The following ARAP2 variants were observed in gnomAD, a reference collection of about 807,000 sequenced individuals.
The protein encoded by ARAP2 is arf-GAP with Rho-GAP domain, ANK repeat and PH domain-containing protein 2.
A neutral mutation model predicts 194.5 loss-of-function variants in ARAP2; 148 were observed. That is an observed-to-expected ratio of 0.76 (90% CI 0.67 to 0.87). The LOEUF is 0.87. Ranked by LOEUF, ARAP2 falls within the 40% of genes least tolerant of loss-of-function variation. The pLI, the probability that ARAP2 is intolerant of heterozygous loss-of-function variation, is 0.00. For missense variants in ARAP2, 2,128 were observed against 1,989.7 expected (o/e 1.07, Z -1.32); for synonymous variants, 695 against 683.5 (o/e 1.02, Z -0.26).
At chr4:36,182,014 T>C (rs544621469) in intron 8 of ARAP2, among the ~76,000 whole-genome samples, 101 of 152,130 alleles carry the variant, frequency 6.6e-4, no homozygotes, top group African/African-American at 2.2e-3. Flanking sequence ...CATTCTAGGA[T>C]AAGGTGAACA....
intron 5 of ARAP2, among the ~76,000 whole-genome samples, chr4:36,030,701 T>C (rs1428454843): frequency 2.0e-5 from 3 of 152,260 alleles, no homozygotes; most frequent in Non-Finnish European, 4.4e-5. Flanking sequence ...ATTCTACTTT[T>C]ATCAGCTTCT....
At chr4:36,148,560 A>G in intron 16 of ARAP2, 53 bp from the exon 17 acceptor site, 1 of 1,281,776 alleles carries the variant, frequency 7.8e-7, no homozygotes, top group Non-Finnish European at 1.1e-6. Flanking sequence ...GCTCTTAAGA[A>G]AATGAATAAC....
intron 21 of ARAP2, 28 bp downstream of exon 21, chr4:36,128,497 CACACACAT>C: frequency 2.6e-6 from 4 of 1,521,976 alleles, no homozygotes; most frequent in Non-Finnish European, 2.7e-6. Flanking sequence ...CACACACACA[CACACACAT>C]ATCTACAAAT....
intron 6 of ARAP2, among the ~76,000 whole-genome samples, 179 bp from the exon 7 acceptor site, chr4:36,193,826 T>C (rs577482338): frequency 2.0e-5 from 3 of 152,316 alleles, no homozygotes; most frequent in African/African-American, 7.2e-5. Flanking sequence ...AGCATAATAG[T>C]ACTTTCTAAT....
At chr4:36,197,514 T>C (rs920583119) in intron 6 of ARAP2, among the ~76,000 whole-genome samples, 1 of 152,262 alleles carries the variant, frequency 6.6e-6, no homozygotes, top group African/African-American at 2.4e-5. Context: ...GTTGCTTTTC[T>C]GGCCAGAAGC....
At chr4:36,123,918 A>G (rs1723273762) in intron 22 of ARAP2, among the ~76,000 whole-genome samples, 1 of 151,784 alleles carries the variant, frequency 6.6e-6, no homozygotes, top group Admixed American at 6.6e-5. Context: ...CATCCCCTGG[A>G]CCACAACACA....
intron 5 of ARAP2, among the ~76,000 whole-genome samples, chr4:36,020,056 T>C (rs872321): frequency 0.62 from 94,805 of 152,108 alleles, 31,011 homozygotes; most frequent in Admixed American, 0.77. Context: ...TATTCTTGTA[T>C]TTGAAGGCCA....
At chr4:36,241,683 C>T (rs757085259) in intron 1 of ARAP2, among the ~76,000 whole-genome samples, 51 of 152,254 alleles carry the variant, frequency 3.3e-4, no homozygotes, top group Middle Eastern at 3.4e-3. Flanking sequence ...CACAAAAAAA[C>T]AACTTTTTGC....
intron 19 of ARAP2, 54 bp from the exon 20 acceptor site, chr4:36,133,443 C>A: frequency 6.7e-7 from 1 of 1,494,374 alleles, no homozygotes; most frequent in South Asian, 1.2e-5. Flanking sequence ...AAAAAAAAAT[C>A]TTACTCCAAG....
At chr4:36,167,919 C>T (rs931570888) in intron 9 of ARAP2, among the ~76,000 whole-genome samples, 1 of 150,784 alleles carries the variant, frequency 6.6e-6, no homozygotes, top group Non-Finnish European at 1.5e-5. Context: ...ATATGTACAT[C>T]AAAAAATGAC....
chr4:36,135,058 A>G (rs2109625057), intron 19 of ARAP2, among the ~76,000 whole-genome samples: 1 of 151,922 alleles, frequency 6.6e-6, no homozygotes, highest in South Asian at 2.1e-4. Flanking sequence ...GTGGATACAT[A>G]GCAGTTTTAA....
chr4:36,123,720 T>C (rs552504740), intron 22 of ARAP2, among the ~76,000 whole-genome samples: 3 of 151,944 alleles, frequency 2.0e-5, no homozygotes, highest in Admixed American at 6.6e-5. Context: ...ACACATTTGA[T>C]CTGTTACTTC....
chr4:36,147,780 A>C, intron 17 of ARAP2, 34 bp from the exon 18 acceptor site: 2 of 1,520,236 alleles, frequency 1.3e-6, no homozygotes, highest in Non-Finnish European at 1.8e-6. Flanking sequence ...TAATAAAGAC[A>C]GTGAAAATAG....
rs574325999 is a variant in ARAP2 at position 36,128,521 on chromosome 4, T to C, written c.3640+12A>G. 2.6e-5 allele frequency: 40 copies of C among 1,542,102 alleles called. No individual in the cohort carries two copies. The East Asian group carries it at 8.7e-4, about 34-fold the overall frequency. On this transcript the variant is annotated intron_variant, in intron 21 of 32. Transcript: ENST00000303965. ...ACACACACATATCTACAAATATCTG[T>C]ATAAATATTACCTAAAGCAGAGATC...
intron 9 of ARAP2, among the ~76,000 whole-genome samples, chr4:36,008,626 C>T (rs1323355756): frequency 6.6e-6 from 1 of 151,906 alleles, no homozygotes; most frequent in Non-Finnish European, 1.5e-5. Flanking sequence ...TTCTCAGTAT[C>T]AGCCTCGGCA....
chr4:36,041,021 G>A (rs1213101652), intron 5 of ARAP2, among the ~76,000 whole-genome samples: 1 of 151,818 alleles, frequency 6.6e-6, no homozygotes, highest in African/African-American at 2.4e-5. Context: ...CTAGTTTATT[G>A]AGAGTTTTTT....
At chr4:36,221,433 T>G (rs561568401) in intron 2 of ARAP2, among the ~76,000 whole-genome samples, 2 of 152,224 alleles carry the variant, frequency 1.3e-5, no homozygotes, top group Admixed American at 1.3e-4. Context: ...TTACTCAAGT[T>G]CACACAACTC....
intron 8 of ARAP2, among the ~76,000 whole-genome samples, chr4:36,181,742 G>A (rs1183345169): frequency 6.6e-6 from 1 of 152,220 alleles, no homozygotes; most frequent in Non-Finnish European, 1.5e-5. Flanking sequence ...TACCAGGAAT[G>A]GAGCAGTGAA....
chr4:36,106,602 G>C (rs1718471795), intron 27 of ARAP2, among the ~76,000 whole-genome samples: 1 of 151,902 alleles, frequency 6.6e-6, no homozygotes, highest in Non-Finnish European at 1.5e-5. Flanking sequence ...CTGAAGAGCT[G>C]TACCATCCTC....
Sources: gnomAD v4.1 joint callset for allele counts (sites outside exome capture counted in the v4.1 genomes callset) on GRCh38, gnomAD v4.1.1 for gene constraint, MANE v1.5 for transcripts, NCBI Gene and HGNC (gene_info 2026-07-23, HGNC 2026-07-21) for gene names.